HDAC9: variants seen among roughly 807,000 people sequenced by gnomAD.
The protein encoded by HDAC9 is histone deacetylase 9.
Under a neutral mutation model 139.4 loss-of-function variants are expected in HDAC9, and 41 were observed. That is an observed-to-expected ratio of 0.29 (90% confidence interval 0.23 to 0.38). HDAC9 has a LOEUF of 0.38. Ranked by LOEUF, HDAC9 falls within the 10% of genes least tolerant of loss-of-function variation. The probability of loss-of-function intolerance (pLI) is 1.00; values close to 1 mark genes in which losing one functional copy is unlikely to be tolerated. For missense variants in HDAC9, 1,147 were observed against 1,297.0 expected, an observed-to-expected ratio of 0.88 and a Z score of 1.78; for synonymous variants, 517 against 476.2, an observed-to-expected ratio of 1.09 and a Z score of -1.12.
intron 1 of HDAC9, among the ~76,000 whole-genome samples, chr7:18,359,345 CTAAAA>C (rs1040477565): frequency 4.6e-5 from 7 of 152,016 alleles, no homozygotes; most frequent in African/African-American, 1.7e-4. Context: ...GAGACTCTGT[CTAAAA>C]TAAAATAAAA....
At chr7:18,184,356 C>A (rs1304615503) in intron 2 of HDAC9, among the ~76,000 whole-genome samples, 2 of 152,126 alleles carry the variant, frequency 1.3e-5, no homozygotes, top group Non-Finnish European at 2.9e-5. Context: ...GCCAAGATCT[C>A]TCCATAGCAC....
intron 13 of HDAC9, among the ~76,000 whole-genome samples, chr7:18,745,476 G>A (rs1787854108): frequency 6.7e-6 from 1 of 148,750 alleles, no homozygotes; most frequent in South Asian, 2.1e-4. Flanking sequence ...GCTTAGATAT[G>A]TCAAGAGATG....
chr7:18,469,885 C>T (rs950461500), intron 1 of HDAC9, among the ~76,000 whole-genome samples: 2 of 152,076 alleles, frequency 1.3e-5, no homozygotes, highest in Non-Finnish European at 2.9e-5. Context: ...CCCAGCTTGA[C>T]GCCCAGATGT....
chr7:18,432,122 A>T (rs1790733659), intron 1 of HDAC9, among the ~76,000 whole-genome samples: 1 of 152,146 alleles, frequency 6.6e-6, no homozygotes, highest in Non-Finnish European at 1.5e-5. Flanking sequence ...TCTATCAATC[A>T]AATGTTGCTT....
rs1461918122 is a variant in HDAC9 at position 18,192,550 on chromosome 7, G to A, written c.25+30201G>A. 2.6e-5 allele frequency among the ~76,000 whole-genome samples: 4 copies of A among 152,226 alleles called. No homozygotes were observed. The East Asian group carries it at 7.7e-4, about 29-fold the overall frequency. On this transcript the variant is annotated intron_variant, in intron 2 of 12. Transcript: ENST00000417496. The stretch of plus-strand genomic sequence containing the variant: ...GAGGAGAAGGGAAGGTAAAGGTGTT[G>A]TAGGGGTTATATCATTTCACTCAGG...
chr7:18,528,253 AT>A (rs10716963), intron 2 of HDAC9, among the ~76,000 whole-genome samples: 24,504 of 146,566 alleles, frequency 0.17, 3,696 homozygotes, highest in African/African-American at 0.41. Flanking sequence ...TCCATGAAGT[AT>A]TTTTTTTTTT....
intron 2 of HDAC9, among the ~76,000 whole-genome samples, chr7:18,542,456 T>C (rs972749974): frequency 4.6e-5 from 7 of 152,214 alleles, no homozygotes; most frequent in African/African-American, 1.7e-4. Context: ...CCTAAGTTAA[T>C]ATTTGAATAA....
chr7:18,239,415 G>C (rs1408508453), intron 2 of HDAC9, among the ~76,000 whole-genome samples: 1 of 152,120 alleles, frequency 6.6e-6, no homozygotes, highest in East Asian at 1.9e-4. Flanking sequence ...ATAGGAGAGA[G>C]GCTGTGAGTA....
intron 2 of HDAC9, among the ~76,000 whole-genome samples, chr7:18,562,627 C>T (rs1820973096): frequency 6.6e-6 from 1 of 152,078 alleles, no homozygotes; most frequent in African/African-American, 2.4e-5. Flanking sequence ...TGTCCTTCTG[C>T]CAGTACTTCT....
At chr7:18,969,728 A>T (rs1784126986) in intron 24 of HDAC9, among the ~76,000 whole-genome samples, 1 of 151,874 alleles carries the variant, frequency 6.6e-6, no homozygotes, top group Non-Finnish European at 1.5e-5. Flanking sequence ...CTTTGGATGG[A>T]TTAATGGCAT....
intron 2 of HDAC9, among the ~76,000 whole-genome samples, chr7:18,572,838 A>G (rs985507115): frequency 6.6e-6 from 1 of 152,210 alleles, no homozygotes; most frequent in Non-Finnish European, 1.5e-5. Flanking sequence ...CTTAAATAGT[A>G]AAGAACTAGC....
chr7:18,395,898 C>T (rs534969232), intron 1 of HDAC9, among the ~76,000 whole-genome samples: 1 of 152,144 alleles, frequency 6.6e-6, no homozygotes, highest in South Asian at 2.1e-4. Context: ...GAGGTAGCTA[C>T]CTTCTTTTGA....
chr7:18,947,512 A>G (rs1307768302), intron 23 of HDAC9, among the ~76,000 whole-genome samples: 1 of 151,980 alleles, frequency 6.6e-6, no homozygotes, highest in Non-Finnish European at 1.5e-5. Context: ...AATATATTAA[A>G]TGGAAAAATT....
chr7:18,561,428 A>T (rs1418845070), intron 2 of HDAC9, among the ~76,000 whole-genome samples: 1 of 152,204 alleles, frequency 6.6e-6, no homozygotes, highest in Non-Finnish European at 1.5e-5. Context: ...ATTTAATTAG[A>T]TTATTTTAAC....
chr7:18,249,789 T>C (rs1275376439), intron 2 of HDAC9, among the ~76,000 whole-genome samples: 3 of 152,178 alleles, frequency 2.0e-5, no homozygotes, highest in Admixed American at 6.5e-5. Context: ...TGAATTATAA[T>C]ATTATAATCT....
At chr7:18,539,620 T>G (rs1009575043) in intron 2 of HDAC9, among the ~76,000 whole-genome samples, 1 of 152,248 alleles carries the variant, frequency 6.6e-6, no homozygotes, top group African/African-American at 2.4e-5. Flanking sequence ...GAACTTATAC[T>G]ATCTTGAAAA....
Position 18,968,741 on chromosome 7 carries a change from G to C in HDAC9, c.3023-7065G>C, listed in dbSNP as rs1451904851. Among the ~76,000 whole-genome samples, 5 of 151,980 alleles carry C rather than the reference G, an allele frequency of 3.3e-5. No individual in the cohort carries two copies. In the East Asian group the frequency reaches 7.8e-4, roughly 24 times the overall value. ...TTGGGAGGCCGAGGCGGGCGGATCAGGAGGTCAGGAGATCGAGACCATCCT... is the reference window on the plus strand; with the variant it reads ...TTGGGAGGCCGAGGCGGGCGGATCACGAGGTCAGGAGATCGAGACCATCCT... On this transcript the variant is annotated intron_variant, in intron 24 of 25. Coordinates refer to ENST00000686413, the MANE Select transcript of HDAC9 (RefSeq NM_178425.4).
intron 1 of HDAC9, among the ~76,000 whole-genome samples, chr7:18,401,338 A>G (rs954775092): frequency 2.0e-5 from 3 of 152,178 alleles, no homozygotes; most frequent in Admixed American, 1.3e-4. Flanking sequence ...GCTGCTTTGC[A>G]TGATTCTATG....
chr7:18,865,340 A>G (rs959252584), intron 21 of HDAC9, among the ~76,000 whole-genome samples: 6 of 152,106 alleles, frequency 3.9e-5, no homozygotes, highest in African/African-American at 1.4e-4. Context: ...TGAGAAAGAG[A>G]CAGGGAGCTG....
Sources: gnomAD v4.1 joint callset for allele counts (sites outside exome capture counted in the v4.1 genomes callset) on GRCh38, gnomAD v4.1.1 for gene constraint, MANE v1.5 for transcripts, NCBI Gene and HGNC (gene_info 2026-07-23, HGNC 2026-07-21) for gene names.